Variants in COLEC12 observed in about 807,000 individuals in gnomAD.
The protein encoded by COLEC12 is collectin-12.
COLEC12 carries 33 observed loss-of-function variants against 71.1 expected under a neutral mutation model. The ratio of observed to expected loss-of-function variants is 0.46; its 90% CI spans 0.35 to 0.62. COLEC12 has a LOEUF of 0.62. Ranked by LOEUF, COLEC12 falls within the 20% of genes least tolerant of loss-of-function variation. The pLI is 0.00. For missense variants in COLEC12, 765 were observed against 916.1 expected (o/e 0.84, Z 2.13); for synonymous variants, 350 against 353.0 (o/e 0.99, Z 0.10).
chr18:482,104 G>C (rs954551463), intron 1 of COLEC12, among the ~76,000 whole-genome samples: 3 of 150,878 alleles, frequency 2.0e-5, no homozygotes, highest in African/African-American at 7.3e-5. Flanking sequence ...AGTGGCTACT[G>C]TCCAGGAGGA....
chr18:335,375 C>G, intron 5 of COLEC12, 145 bp from the exon 6 acceptor site: 1 of 842,812 alleles, frequency 1.2e-6, no homozygotes, highest in Non-Finnish European at 1.7e-6. Flanking sequence ...GTTTATCATA[C>G]TACTGTAGAC....
chr18:450,288 A>C (rs1916734439), intron 2 of COLEC12, among the ~76,000 whole-genome samples: 1 of 152,182 alleles, frequency 6.6e-6, no homozygotes. Context: ...GCCAAATCTC[A>C]TGTCGATTTG....
intron 2 of COLEC12, among the ~76,000 whole-genome samples, chr18:381,870 C>T (rs573899748): frequency 6.6e-6 from 1 of 151,226 alleles, no homozygotes; most frequent in South Asian, 2.1e-4. Context: ...TAAAATAAAG[C>T]AAGTTGCTGA....
chr18:389,435 T>C (rs371434598), intron 2 of COLEC12, among the ~76,000 whole-genome samples: 3 of 151,828 alleles, frequency 2.0e-5, no homozygotes, highest in African/African-American at 7.3e-5. Flanking sequence ...CCCGCCACCA[T>C]GCTCGGCTAA....
chr18:427,376 G>T (rs1396810513), intron 2 of COLEC12, among the ~76,000 whole-genome samples: 1 of 152,166 alleles, frequency 6.6e-6, no homozygotes, highest in African/African-American at 2.4e-5. Flanking sequence ...GTCCTATGTG[G>T]GCCGTAGGGA....
intron 2 of COLEC12, among the ~76,000 whole-genome samples, chr18:438,327 A>G (rs1050013479): frequency 6.6e-6 from 1 of 152,216 alleles, no homozygotes; most frequent in African/African-American, 2.4e-5. Context: ...GAACCATATC[A>G]TGGAGCTAAA....
At chr18:354,235 A>G (rs1914581521) in intron 3 of COLEC12, among the ~76,000 whole-genome samples, 1 of 152,220 alleles carries the variant, frequency 6.6e-6, no homozygotes, top group African/African-American at 2.4e-5. Context: ...CAACTGTCCA[A>G]GAACATGTTT....
At chr18:378,567 G>C (rs1306148629) in intron 2 of COLEC12, among the ~76,000 whole-genome samples, 2 of 152,122 alleles carry the variant, frequency 1.3e-5, no homozygotes, top group African/African-American at 2.4e-5. Flanking sequence ...CCCAATTCTC[G>C]ACCTCCAGGG....
chr18:423,830 TCAGAG>T (rs1175677683), intron 2 of COLEC12: 1 of 152,156 alleles, frequency 6.6e-6, no homozygotes, highest in Admixed American at 6.5e-5. Context: ...GGTTCCTGGT[TCAGAG>T]GAGGTGTAAG....
At chr18:432,326 A>G (rs1346391998) in intron 2 of COLEC12, among the ~76,000 whole-genome samples, 2 of 152,222 alleles carry the variant, frequency 1.3e-5, no homozygotes, top group African/African-American at 4.8e-5. Flanking sequence ...GGAATTTATA[A>G]AATACAGCGA....
At chr18:474,166 T>C (rs965131925) in intron 2 of COLEC12, among the ~76,000 whole-genome samples, 1 of 152,210 alleles carries the variant, frequency 6.6e-6, no homozygotes, top group East Asian at 1.9e-4. Flanking sequence ...CAGTCACAAG[T>C]AGAGCAGAAA....
intron 2 of COLEC12, among the ~76,000 whole-genome samples, chr18:436,574 G>T (rs147754349): frequency 2.0e-5 from 3 of 148,652 alleles, no homozygotes; most frequent in Non-Finnish European, 3.0e-5. Context: ...TAGATTTGGA[G>T]TTTTATGTTA....
chr18:384,728 G>A (rs1391175576), intron 2 of COLEC12, among the ~76,000 whole-genome samples: 1 of 152,184 alleles, frequency 6.6e-6, no homozygotes, highest in Admixed American at 6.5e-5. Flanking sequence ...CTGTGTAACT[G>A]TGATTCCAGG....
Position 335,100 on chromosome 18 carries a change from T to TG in COLEC12, c.1457dup (p.Ile487AsnfsTer16), listed in dbSNP as rs1490496735. On this transcript the variant is annotated frameshift_variant, in exon 6 of 10. Coordinates refer to ENST00000400256, the MANE Select transcript of COLEC12 (RefSeq NM_130386.3). LOFTEE classifies it high-confidence loss of function. ...CTCCGGGGGGACCAGCTGGTCCAAT[T>TG]GGGCCTCTCTCACCCGCAGGGCCAG... The TG allele has an allele frequency of 6.2e-6, 10 of 1,611,990 alleles. No individual in the cohort carries two copies. The highest frequency in any genetic ancestry group is 8.5e-6 in the Non-Finnish European group (10 of 1,179,334).
intron 2 of COLEC12, among the ~76,000 whole-genome samples, chr18:382,089 C>A (rs977689056): frequency 1.8e-4 from 27 of 152,078 alleles, no homozygotes; most frequent in African/African-American, 6.5e-4. Context: ...ACACCCATGG[C>A]GGAGTTGGAA....
rs529468525 is a variant in COLEC12 at position 493,837 on chromosome 18, T to G, written c.7+6671A>C. The stretch of plus-strand genomic sequence containing the variant: ...TATGGTTTAAAAACATACTTATACA[T>G]ACATCTGTCCGAATACTTATTTAGA... On this transcript the variant is annotated intron_variant, in intron 1 of 9. Transcript: ENST00000400256. 4.6e-5 allele frequency among the ~76,000 whole-genome samples: 7 copies of G among 152,380 alleles called. No individual in the cohort carries two copies. The South Asian group carries it at 8.3e-4, about 18-fold the overall frequency.
At chr18:406,232 G>A (rs542169276) in intron 2 of COLEC12, among the ~76,000 whole-genome samples, 5 of 152,258 alleles carry the variant, frequency 3.3e-5, no homozygotes, top group African/African-American at 4.8e-5. Context: ...CAACCAGGCC[G>A]GGCGCAGTGG....
intron 1 of COLEC12, among the ~76,000 whole-genome samples, chr18:495,250 T>C (rs1324239434): frequency 1.3e-5 from 2 of 152,234 alleles, no homozygotes; most frequent in African/African-American, 4.8e-5. Flanking sequence ...TTGGTGTGGT[T>C]AGAAACTCTG....
chr18:482,507 T>C lies in COLEC12; in HGVS notation c.8-1750A>G, dbSNP rs537177626. On this transcript the variant is annotated intron_variant, in intron 1 of 9. Coordinates refer to ENST00000400256, the MANE Select transcript of COLEC12 (RefSeq NM_130386.3). ...CCATTACTGCCCCAGCACACAACTT[T>C]CTCTCACAGGCAACTCAGCTCAAAG... is the stretch of plus-strand genomic sequence containing the variant. Among the ~76,000 whole-genome samples the C allele has an allele frequency of 9.9e-5, 15 of 152,202 alleles. No homozygotes were observed. The South Asian group carries it at 3.1e-3, about 32-fold the overall frequency.
Sources: allele counts gnomAD v4.1 joint callset (sites outside exome capture counted in the v4.1 genomes callset), GRCh38; gene constraint gnomAD v4.1.1; transcripts MANE v1.5; gene names NCBI Gene and HGNC (gene_info 2026-07-23, HGNC 2026-07-21).